Variants in ZBTB20 observed in about 807,000 individuals in gnomAD.
The protein encoded by ZBTB20 is zinc finger and BTB domain-containing protein 20.
A neutral mutation model predicts 56.9 loss-of-function variants in ZBTB20; 9 were observed. The ratio of observed to expected loss-of-function variants is 0.16; its 90% CI spans 0.10 to 0.28. The LOEUF (loss-of-function observed/expected upper bound fraction) is 0.28, where lower values mean the gene tolerates loss of function less well. Ranked by LOEUF, ZBTB20 falls within the 10% of genes least tolerant of loss-of-function variation. The pLI, the probability that ZBTB20 is intolerant of heterozygous loss-of-function variation, is 1.00. For missense variants in ZBTB20, 655 were observed against 1,003.0 expected (o/e 0.65, Z 4.69); for synonymous variants, 417 against 420.7 (o/e 0.99, Z 0.11).
At chr3:114,352,926 C>T (rs890847453) in intron 10 of ZBTB20, among the ~76,000 whole-genome samples, 5 of 152,168 alleles carry the variant, frequency 3.3e-5, no homozygotes, top group African/African-American at 4.8e-5. Flanking sequence ...AGGAAGGCAA[C>T]AGCTATGTGG....
intron 6 of ZBTB20, among the ~76,000 whole-genome samples, chr3:114,607,637 T>C (rs1357530251): frequency 6.6e-6 from 1 of 152,116 alleles, no homozygotes; most frequent in African/African-American, 2.4e-5. Context: ...TCAGTATGTA[T>C]CATGTGACAA....
intron 4 of ZBTB20, among the ~76,000 whole-genome samples, chr3:114,820,508 T>TTA (rs1000616870): frequency 1.3e-5 from 2 of 152,082 alleles, no homozygotes; most frequent in East Asian, 1.9e-4. Flanking sequence ...AATTTATTCG[T>TTA]TATATATATT....
chr3:115,141,376 T>C (rs570340937), intron 1 of ZBTB20, among the ~76,000 whole-genome samples: 2 of 152,264 alleles, frequency 1.3e-5, no homozygotes, highest in South Asian at 2.1e-4. Context: ...AAGGCTTGAA[T>C]ACATAAAGCA....
At chr3:114,441,248 T>C (rs997031648) in intron 7 of ZBTB20, among the ~76,000 whole-genome samples, 1 of 152,156 alleles carries the variant, frequency 6.6e-6, no homozygotes, top group Non-Finnish European at 1.5e-5. Context: ...TGAAGCTAAA[T>C]ATAATAAATA....
chr3:114,766,113 T>C (rs1329801630), intron 5 of ZBTB20, among the ~76,000 whole-genome samples: 2 of 152,092 alleles, frequency 1.3e-5, no homozygotes, highest in African/African-American at 4.8e-5. Context: ...TGAATCTACA[T>C]AAAAATTAAA....
At chr3:115,145,473 A>T (rs1332093353) in intron 1 of ZBTB20, among the ~76,000 whole-genome samples, 1 of 152,202 alleles carries the variant, frequency 6.6e-6, no homozygotes, top group Non-Finnish European at 1.5e-5. Context: ...ACATACTTTA[A>T]ATCATCTCTA....
At chr3:114,438,436 C>CAAA (rs10689914) in intron 7 of ZBTB20, among the ~76,000 whole-genome samples, 3,117 of 140,648 alleles carry the variant, frequency 0.022, 90 homozygotes, top group African/African-American at 0.063. Flanking sequence ...CAAAAAAAAC[C>CAAA]AAAAAAAAAC....
At chr3:114,976,583 G>A (rs907034313) in intron 2 of ZBTB20, among the ~76,000 whole-genome samples, 17 of 150,316 alleles carry the variant, frequency 1.1e-4, no homozygotes, top group African/African-American at 3.7e-4. Flanking sequence ...CCAAGATCGC[G>A]CCACTGCCCT....
At chr3:114,868,200 T>C (rs1028024965) in intron 4 of ZBTB20, among the ~76,000 whole-genome samples, 3 of 152,204 alleles carry the variant, frequency 2.0e-5, no homozygotes, top group Non-Finnish European at 4.4e-5. Flanking sequence ...TATGCTGATT[T>C]TTCTCAAGGA....
chr3:114,967,323 T>TA (rs1468186830), intron 3 of ZBTB20, among the ~76,000 whole-genome samples: 5 of 152,150 alleles, frequency 3.3e-5, no homozygotes, highest in African/African-American at 1.2e-4. Flanking sequence ...TTTTATCCAA[T>TA]AAAAAACATA....
intron 2 of ZBTB20, among the ~76,000 whole-genome samples, chr3:114,978,760 T>C (rs2108074954): frequency 1.3e-5 from 2 of 152,022 alleles, no homozygotes; most frequent in East Asian, 3.9e-4. Context: ...GAATTTATCT[T>C]AAGATTATGA....
chr3:114,461,341 C>G (rs984663511), intron 7 of ZBTB20, among the ~76,000 whole-genome samples: 1 of 150,194 alleles, frequency 6.7e-6, no homozygotes, highest in African/African-American at 2.4e-5. Context: ...GCTCTGTCAC[C>G]GAGGCTGGAG....
intron 2 of ZBTB20, among the ~76,000 whole-genome samples, chr3:115,029,712 C>T (rs2080585355): frequency 6.6e-6 from 1 of 150,490 alleles, no homozygotes; most frequent in Non-Finnish European, 1.5e-5. Flanking sequence ...AATTTAGAGC[C>T]TATCTCACAC....
At chr3:114,433,064 C>T (rs1296366290) in intron 7 of ZBTB20, among the ~76,000 whole-genome samples, 2 of 152,148 alleles carry the variant, frequency 1.3e-5, no homozygotes, top group Admixed American at 6.5e-5. Context: ...TATTATGTTA[C>T]TCTAGGAATT....
Position 114,316,504 on chromosome 3 carries a change from T to A in ZBTB20, c.*22501A>T, listed in dbSNP as rs1014258371. The A allele has an allele frequency of 1.9e-6, 1 of 527,462 alleles. No homozygotes were observed. The highest frequency in any genetic ancestry group is 3.9e-6 in the Non-Finnish European group (1 of 257,138). 32.7% of individuals were successfully genotyped at this position (527,462 alleles called of 1,614,324 possible). On this transcript the variant is annotated 3_prime_UTR_variant, in exon 12 of 12. Coordinates refer to ENST00000675478, the MANE Select transcript of ZBTB20 (RefSeq NM_001348800.3). ...TACACACCTATACATGTATAATATA[T>A]ACACTATATATATGTGGATACATAT... is the stretch of plus-strand genomic sequence containing the variant.
chr3:114,839,483 G>C (rs2074291046), intron 4 of ZBTB20, among the ~76,000 whole-genome samples: 1 of 147,612 alleles, frequency 6.8e-6, no homozygotes, highest in Non-Finnish European at 1.5e-5. Context: ...GAGAAAGAAA[G>C]AGAAAGAAAG....
At chr3:115,093,247 A>G (rs2108580209) in intron 1 of ZBTB20, among the ~76,000 whole-genome samples, 1 of 152,308 alleles carries the variant, frequency 6.6e-6, no homozygotes, top group East Asian at 1.9e-4. Flanking sequence ...ATAATTTCTA[A>G]AAATGTTTTT....
chr3:114,588,012 T>TG (rs2055359438), intron 6 of ZBTB20, among the ~76,000 whole-genome samples: 1 of 152,230 alleles, frequency 6.6e-6, no homozygotes, highest in African/African-American at 2.4e-5. Flanking sequence ...GGAGGGTGTT[T>TG]GGCGGCATCT....
At chr3:115,036,572 G>A (rs1165044384) in intron 2 of ZBTB20, among the ~76,000 whole-genome samples, 3 of 152,218 alleles carry the variant, frequency 2.0e-5, no homozygotes, top group East Asian at 1.9e-4. Context: ...GTGCCATCAC[G>A]CCCAGCTAAC....
Sources: allele counts gnomAD v4.1 joint callset (sites outside exome capture counted in the v4.1 genomes callset), GRCh38; gene constraint gnomAD v4.1.1; transcripts MANE v1.5; gene names NCBI Gene and HGNC (gene_info 2026-07-23, HGNC 2026-07-21).